Variants in RHCG observed in about 807,000 individuals in gnomAD.
RHCG encodes the protein Rh family C glycoprotein, also known as ammonium transporter Rh type C.
Under a neutral mutation model 55.3 loss-of-function variants are expected in RHCG, and 39 were observed. The ratio of observed to expected loss-of-function variants is 0.70; its 90% CI spans 0.55 to 0.92. The LOEUF is 0.92. RHCG is among the 40% of genes least tolerant of loss of function. The pLI is 0.00. For missense variants in RHCG, 635 were observed against 627.9 expected (o/e 1.01, Z -0.12); for synonymous variants, 250 against 246.8 (o/e 1.01, Z -0.12).
chr15:89,494,250 T>C (rs1961526691), intron 1 of RHCG, among the ~76,000 whole-genome samples: 2 of 152,252 alleles, frequency 1.3e-5, no homozygotes, highest in South Asian at 4.1e-4. Context: ...TCAGAGCACT[T>C]GGTCCCACTG....
intron 9 of RHCG, among the ~76,000 whole-genome samples, chr15:89,473,285 A>C (rs1961073933): frequency 6.6e-6 from 1 of 152,212 alleles, no homozygotes; most frequent in Non-Finnish European, 1.5e-5. Context: ...TGTAAACTGC[A>C]GACAGGTCCG....
At position 89,477,501 on chromosome 15, in the gene RHCG, C is replaced by T. The variant is rs764931140; in HGVS notation, c.1112+16G>A. ...AAGGGGGAAGCTCCATCCCACCGCA[C>T]CTCCTCCACATTTACCCTTCTTTTC... On this transcript the variant is annotated intron_variant, in intron 7 of 10. Transcript: ENST00000268122. The surrounding 1 kb of genome is among the most constrained non-coding windows in gnomAD (Gnocchi z 4.5). 1.9e-6 allele frequency: 3 copies of T among 1,613,512 alleles called. No individual in the cohort carries two copies. In the South Asian group the frequency reaches 3.3e-5, roughly 18 times the overall value.
intron 2 of RHCG, among the ~76,000 whole-genome samples, chr15:89,484,264 G>T (rs1961320491): frequency 1.3e-5 from 2 of 152,190 alleles, no homozygotes; most frequent in South Asian, 4.1e-4. Flanking sequence ...CTAGTGCAGG[G>T]CCTGGCTAAA....
At chr15:89,480,545 G>A (rs1961248857) in intron 3 of RHCG, 137 bp from the exon 4 acceptor site, 2 of 1,016,520 alleles carry the variant, frequency 2.0e-6, no homozygotes, top group East Asian at 2.5e-5. Flanking sequence ...GGAGCCTGGG[G>A]CCTTCACGGA....
chr15:89,488,054 T>A (rs115891947), intron 1 of RHCG, among the ~76,000 whole-genome samples: 5 of 152,288 alleles, frequency 3.3e-5, no homozygotes, highest in African/African-American at 1.2e-4. Flanking sequence ...GCAAAGAGAA[T>A]TGCAAAAGCA....
chr15:89,478,481 T>C (rs1961199601), intron 5 of RHCG, among the ~76,000 whole-genome samples: 1 of 152,210 alleles, frequency 6.6e-6, no homozygotes, highest in African/African-American at 2.4e-5. Flanking sequence ...TGAGGACAGT[T>C]ATCTTGCAAC....
intron 4 of RHCG, among the ~76,000 whole-genome samples, chr15:89,479,914 G>A (rs997793729): frequency 1.3e-5 from 2 of 152,248 alleles, no homozygotes; most frequent in African/African-American, 4.8e-5. Flanking sequence ...CACAGGAAGT[G>A]GAAATGCACA....
intron 1 of RHCG, among the ~76,000 whole-genome samples, chr15:89,490,144 G>T (rs960420375): frequency 6.6e-6 from 1 of 152,236 alleles, no homozygotes; most frequent in African/African-American, 2.4e-5. Flanking sequence ...CACCAGGAGG[G>T]CTGACAGGTT....
chr15:89,479,835 C>A, intron 4 of RHCG: 1 of 379,894 alleles, frequency 2.6e-6, no homozygotes, highest in South Asian at 3.0e-5. Flanking sequence ...TGAGGAGCTC[C>A]TGGAGGGCAG....
Position 89,477,911 on chromosome 15 carries a change from G to C in RHCG, c.901C>G (p.Leu301Val). Residue 301 changes from leucine (L) to valine (V), a missense_variant, in exon 6 of 11, where the codon CTC becomes GTC. Transcript: ENST00000268122. This position sits in a 1 kb window ranked among gnomAD's most constrained non-coding sequence, Gnocchi z 4.5. ...ATGATGAGGGCACCGTAAGGCATGAGCATCATCTCAGCAGCGGTACCCACG... is the reference window on the plus strand; with the variant it reads ...ATGATGAGGGCACCGTAAGGCATGACCATCATCTCAGCAGCGGTACCCACG... ...VAVGTAAEMM[L>V]MPYGALIIGF... 6.2e-7 allele frequency: 1 copy of C among 1,614,014 alleles called. No homozygotes were observed. The highest frequency in any genetic ancestry group is 8.5e-7 in the Non-Finnish European group (1 of 1,179,986).
Position 89,477,013 on chromosome 15 carries a change from C to A in RHCG, c.1237+69G>T. ...GCTCAGGCTGACCTGTGCCGCATGC[C>A]CTTTGCTTCTCCACCCAGGGAGCCC... On this transcript the variant is annotated intron_variant, in intron 8 of 10. Coordinates refer to ENST00000268122, the MANE Select transcript of RHCG (RefSeq NM_016321.3). This position sits in a 1 kb window ranked among gnomAD's most constrained non-coding sequence, Gnocchi z 4.5. 1 of 1,606,250 alleles carries A rather than the reference C, an allele frequency of 6.2e-7. No individual in the cohort carries two copies. The highest frequency in any genetic ancestry group is 1.3e-5 in the African/African-American group (1 of 74,876).
At chr15:89,496,240 G>T in intron 1 of RHCG, 121 bp downstream of exon 1, 1 of 961,320 alleles carries the variant, frequency 1.0e-6, no homozygotes, top group Non-Finnish European at 1.6e-6. Flanking sequence ...AGGCCGGCGA[G>T]ATGCGGAGTC....
intron 1 of RHCG, among the ~76,000 whole-genome samples, chr15:89,489,735 C>T (rs1356646713): frequency 6.6e-6 from 1 of 152,162 alleles, no homozygotes; most frequent in Non-Finnish European, 1.5e-5. Context: ...GCAGAATGGC[C>T]AGCAGATCTC....
intron 3 of RHCG, among the ~76,000 whole-genome samples, chr15:89,482,123 G>A (rs527297506): frequency 3.1e-4 from 47 of 152,262 alleles, no homozygotes; most frequent in East Asian, 3.9e-4. Flanking sequence ...TTTTAGTAGA[G>A]ACGGGGTTTC....
intron 5 of RHCG, among the ~76,000 whole-genome samples, chr15:89,479,057 G>A (rs1309420125): frequency 3.2e-5 from 4 of 125,362 alleles, no homozygotes; most frequent in African/African-American, 1.1e-4. Flanking sequence ...CCGAGATAGC[G>A]CCACTGCACT....
chr15:89,486,518 C>T (rs1448516440), intron 2 of RHCG: 1 of 507,410 alleles, frequency 2.0e-6, no homozygotes, highest in Admixed American at 2.3e-5. Context: ...CGACTCCCAC[C>T]CTGGAGAATC....
intron 2 of RHCG, 96 bp downstream of exon 2, chr15:89,486,703 G>C (rs1448591639): frequency 1.2e-5 from 16 of 1,285,262 alleles, no homozygotes; most frequent in African/African-American, 8.9e-5. Flanking sequence ...CTCAAGCCCG[G>C]GTCCCGCCGA....
chr15:89,496,216 C>T, intron 1 of RHCG, 145 bp downstream of exon 1: 2 of 765,972 alleles, frequency 2.6e-6, no homozygotes, highest in Non-Finnish European at 4.3e-6. Context: ...CAATTTCCCA[C>T]GCATGCCCTG....
At chr15:89,493,126 G>C (rs188347816) in intron 1 of RHCG, among the ~76,000 whole-genome samples, 5 of 152,232 alleles carry the variant, frequency 3.3e-5, no homozygotes, top group Admixed American at 2.6e-4. Flanking sequence ...AGCCTGCTTC[G>C]GCCTCATGAC....
Sources: gnomAD v4.1 joint callset for allele counts (sites outside exome capture counted in the v4.1 genomes callset) on GRCh38, gnomAD v4.1.1 for gene constraint, Gnocchi (gnomAD v3.1) non-coding constraint, MANE v1.5 for transcripts, NCBI Gene and HGNC (gene_info 2026-07-23, HGNC 2026-07-21) for gene names.